The following AKR1C3 variants were observed in gnomAD, a reference collection of about 807,000 sequenced individuals.
The protein encoded by AKR1C3 is 3-alpha hydroxysteroid dehydrogenase, type II.
In AKR1C3, 48 loss-of-function variants were observed where a neutral mutation model predicts 43.6. That is an observed-to-expected ratio of 1.10 (90% confidence interval 0.87 to 1.40). AKR1C3 has a LOEUF of 1.40. Ranked by LOEUF, AKR1C3 falls within the 40% of genes most tolerant of loss-of-function variation. The probability of loss-of-function intolerance (pLI) is 0.00; values close to 1 mark genes in which losing one functional copy is unlikely to be tolerated. For missense variants in AKR1C3, 482 were observed against 391.2 expected (o/e 1.23, Z -1.96); for synonymous variants, 162 against 139.6 (o/e 1.16, Z -1.13).
In AKR1C3 at chr10:5,096,251, T is replaced by C. The variant is rs1554785091; in HGVS notation, c.85-159T>C. ...AGGTGTTTCTGGGATGCTCAACCTT[T>C]ATTACTAACCAGGAAAGACTCAGGC... On this transcript the variant is annotated intron_variant, in intron 1 of 8. Coordinates refer to ENST00000380554, the MANE Select transcript of AKR1C3 (RefSeq NM_003739.6). The C allele has an allele frequency of 3.6e-6, 3 of 839,704 alleles. No homozygotes were observed. The African/African-American group carries it at 5.2e-5, about 15-fold the overall frequency. 52.0% of individuals were successfully genotyped at this position (839,704 alleles called of 1,614,324 possible).
intron 1 of AKR1C3, among the ~76,000 whole-genome samples, chr10:5,072,975 T>C (rs1402554732): frequency 6.6e-6 from 1 of 152,166 alleles, no homozygotes; most frequent in African/African-American, 2.4e-5. Context: ...TTTATTTATT[T>C]ATTTTCGAGA....
intron 3 of AKR1C3, chr10:5,097,930 C>T: frequency 9.6e-7 from 1 of 1,044,582 alleles, no homozygotes; most frequent in Non-Finnish European, 1.2e-6. Context: ...GAGTTTCCAC[C>T]ATCTCTCCCC....
upstream of AKR1C3, among the ~76,000 whole-genome samples, chr10:5,093,254 C>G (rs1554784606): frequency 2.0e-5 from 3 of 152,112 alleles, no homozygotes; most frequent in Non-Finnish European, 2.9e-5. Flanking sequence ...CAGATCACTT[C>G]TTGACGCGTC....
chr10:5,087,376 C>CTTTTTTTTTTTT (rs1564364889), intron 1 of AKR1C3, among the ~76,000 whole-genome samples: 1 of 45,366 alleles, frequency 2.2e-5, no homozygotes. Context: ...TTTATCATTT[C>CTTTTTTTTTTTT]TTTCTTTTTT....
intron 2 of AKR1C3, among the ~76,000 whole-genome samples, 164 bp from the exon 3 acceptor site, chr10:5,097,270 A>G (rs1487414165): frequency 6.6e-6 from 1 of 152,160 alleles, no homozygotes; most frequent in Non-Finnish European, 1.5e-5. Flanking sequence ...AAAGTTTATA[A>G]GGATAGGTCA....
At chr10:5,076,398 CTCTCTG>C (rs1200463917) in intron 1 of AKR1C3, among the ~76,000 whole-genome samples, 2 of 134,798 alleles carry the variant, frequency 1.5e-5, no homozygotes, top group Admixed American at 7.4e-5. Context: ...TGAGTTTGTT[CTCTCTG>C]TCTCTCTCTC....
chr10:5,066,279 G>A (rs1309535583), intron 1 of AKR1C3, among the ~76,000 whole-genome samples: 1 of 152,152 alleles, frequency 6.6e-6, no homozygotes, highest in Non-Finnish European at 1.5e-5. Flanking sequence ...CTTAGTGCAT[G>A]AGCCCAGTCC....
upstream of AKR1C3, among the ~76,000 whole-genome samples, chr10:5,090,653 A>C (rs534388138): frequency 3.3e-5 from 5 of 152,188 alleles, no homozygotes; most frequent in South Asian, 1.0e-3. Flanking sequence ...GGTATCAGCT[A>C]TATTGGTGTC....
intron 1 of AKR1C3, among the ~76,000 whole-genome samples, chr10:5,065,213 T>C (rs1477389313): frequency 6.6e-6 from 1 of 152,114 alleles, no homozygotes; most frequent in East Asian, 1.9e-4. Context: ...TCAAAGAACT[T>C]AAAACAAAAT....
chr10:5,107,183 A>G (rs1488211476), intron 8 of AKR1C3, among the ~76,000 whole-genome samples: 1 of 152,230 alleles, frequency 6.6e-6, no homozygotes, highest in Admixed American at 6.5e-5. Flanking sequence ...GTATAATCAG[A>G]GTATCTCTGC....
chr10:5,089,612 A>G (rs2131828568), upstream of AKR1C3, among the ~76,000 whole-genome samples: 1 of 152,180 alleles, frequency 6.6e-6, no homozygotes, highest in South Asian at 2.1e-4. Context: ...TTCCCAAAAT[A>G]AGTATATCTT....
chr10:5,099,948 A>G lies in AKR1C3; in HGVS notation c.570+499A>G, dbSNP rs181967650. The G allele has an allele frequency of 1.5e-3, 231 of 155,068 alleles. 3 individuals are homozygous for G. Among genetic ancestry groups the G allele is most frequent in the Admixed American group, 4.9e-3 (77 of 15,852 alleles). 9.6% of individuals were successfully genotyped at this position (155,068 alleles called of 1,614,324 possible). A position where few individuals can be genotyped will look rare whatever the true frequency, so the allele number is the denominator to read the frequency against. On this transcript the variant is annotated intron_variant, in intron 5 of 8. Coordinates refer to ENST00000380554, the MANE Select transcript of AKR1C3 (RefSeq NM_003739.6). ...GTTTCAACAATTCTTGACCAGGGGCATAGATATACTAAAAATTAGCTGCAG... is the reference window on the plus strand; with the variant it reads ...GTTTCAACAATTCTTGACCAGGGGCGTAGATATACTAAAAATTAGCTGCAG...
At chr10:5,070,907 AAGAC>A (rs1248682530) in intron 1 of AKR1C3, among the ~76,000 whole-genome samples, 5 of 152,310 alleles carry the variant, frequency 3.3e-5, no homozygotes, top group Non-Finnish European at 5.9e-5. Flanking sequence ...GTCATGAACT[AAGAC>A]AGCCTGTTAG....
upstream of AKR1C3, among the ~76,000 whole-genome samples, chr10:5,091,508 A>T (rs529364399): frequency 6.6e-6 from 1 of 152,170 alleles, no homozygotes; most frequent in African/African-American, 2.4e-5. Flanking sequence ...TCATATCCTC[A>T]TATCCTTAAT....
At chr10:5,094,095 G>A (rs183280608), upstream of AKR1C3, 1 of 168,684 alleles carries the variant, frequency 5.9e-6, no homozygotes, top group African/African-American at 2.4e-5. Flanking sequence ...TTTGTAGCTG[G>A]AGGTTTTTAT....
At chr10:5,053,435 C>T (rs1554779201) in intron 1 of AKR1C3, among the ~76,000 whole-genome samples, 8 of 152,238 alleles carry the variant, frequency 5.3e-5, no homozygotes, top group Admixed American at 5.2e-4. Context: ...GGAACTCGTG[C>T]TGGCCCACAA....
chr10:5,078,737 G>A (rs1838770534), intron 1 of AKR1C3, among the ~76,000 whole-genome samples: 1 of 152,206 alleles, frequency 6.6e-6, no homozygotes, highest in African/African-American at 2.4e-5. Context: ...GAGATTAAGA[G>A]CACATGTGGT....
At chr10:5,096,306 C>G in intron 1 of AKR1C3, 104 bp from the exon 2 acceptor site, 1 of 1,390,656 alleles carries the variant, frequency 7.2e-7, no homozygotes, top group Middle Eastern at 2.0e-4. Context: ...ACCCCACATA[C>G]AGACAGGAGG....
chr10:5,104,296 C>T (rs11252945), intron 7 of AKR1C3, among the ~76,000 whole-genome samples: 39,903 of 151,918 alleles, frequency 0.26, 5,482 homozygotes, highest in Middle Eastern at 0.38. Context: ...AAAATAAAAA[C>T]CCAAATATGC....
Sources: gnomAD v4.1 joint callset for allele counts (sites outside exome capture counted in the v4.1 genomes callset) on GRCh38, gnomAD v4.1.1 for gene constraint, MANE v1.5 for transcripts, NCBI Gene and HGNC (gene_info 2026-07-23, HGNC 2026-07-21) for gene names.